Variants in PCNX2 observed in about 807,000 individuals in gnomAD.
The protein encoded by PCNX2 is pecanex-like protein 2.
Under a neutral mutation model 223.8 loss-of-function variants are expected in PCNX2, and 168 were observed. The ratio of observed to expected loss-of-function variants is 0.75; its 90% confidence interval spans 0.66 to 0.85. PCNX2 has a LOEUF of 0.85. Among genes scored for constraint, PCNX2 ranks in the 40% least tolerant of loss-of-function variants. The pLI is 0.00. For missense variants in PCNX2, 2,507 were observed against 2,675.5 expected (o/e 0.94, Z 1.39); for synonymous variants, 1,006 against 1,052.6 (o/e 0.96, Z 0.86).
At chr1:233,087,007 G>A (rs1673637528) in intron 23 of PCNX2, 1 of 984,828 alleles carries the variant, frequency 1.0e-6, no homozygotes, top group Non-Finnish European at 1.2e-6. Flanking sequence ...AAGGCAGACA[G>A]GGGACACATT....
At position 233,225,822 on chromosome 1, in the gene PCNX2, T is replaced by C. The variant is rs979651848; in HGVS notation, c.2504+1404A>G. ...CAAAAATGCCTCATTTACCAGAATATACTATCTTGGATTTTTAGTTAAGTA... is the reference window on the plus strand; with the variant it reads ...CAAAAATGCCTCATTTACCAGAATACACTATCTTGGATTTTTAGTTAAGTA... On this transcript the variant is annotated intron_variant, in intron 10 of 33. Coordinates refer to ENST00000258229, the MANE Select transcript of PCNX2 (RefSeq NM_014801.4). 2.0e-5 allele frequency among the ~76,000 whole-genome samples: 3 copies of C among 152,364 alleles called. 1 individual carries two copies. Among genetic ancestry groups the C allele is most frequent in the Admixed American group, 2.0e-4 (3 of 15,306 alleles).
intron 26 of PCNX2, among the ~76,000 whole-genome samples, chr1:233,021,894 T>C (rs180928372): frequency 1.3e-5 from 2 of 152,066 alleles, no homozygotes; most frequent in Non-Finnish European, 2.9e-5. Flanking sequence ...TTCCAGCAGT[T>C]AGGAAAAAAG....
At chr1:233,005,121 A>G (rs1670235295) in intron 28 of PCNX2, among the ~76,000 whole-genome samples, 1 of 152,194 alleles carries the variant, frequency 6.6e-6, no homozygotes, top group African/African-American at 2.4e-5. Flanking sequence ...ATCAGATAGG[A>G]GCTAAGTGCT....
chr1:233,201,518 T>C (rs141974801), intron 13 of PCNX2: 26 of 152,326 alleles, frequency 1.7e-4, no homozygotes, highest in African/African-American at 5.1e-4. Context: ...ATCCACAAAA[T>C]TCCATAAAAT....
At chr1:233,231,495 C>G (rs996691708) in intron 9 of PCNX2, 10 of 321,770 alleles carry the variant, frequency 3.1e-5, no homozygotes, top group African/African-American at 1.8e-4. Flanking sequence ...GTGATCAGCT[C>G]TATAGAACCT....
At chr1:233,130,236 G>T (rs1676392014) in intron 21 of PCNX2, among the ~76,000 whole-genome samples, 1 of 151,942 alleles carries the variant, frequency 6.6e-6, no homozygotes, top group Non-Finnish European at 1.5e-5. Flanking sequence ...TCACCATGAG[G>T]GTCTGCAGCT....
chr1:233,250,668 C>A (rs1467693121), intron 8 of PCNX2, 71 bp downstream of exon 8: 3 of 1,477,722 alleles, frequency 2.0e-6, no homozygotes, highest in South Asian at 1.4e-5. Context: ...CCAGAATCCT[C>A]ACTTTATCTT....
chr1:233,258,054 T>G lies in PCNX2; in HGVS notation c.1808A>C (p.Gln603Pro), dbSNP rs766352730. ...ASSQLNGSAE[Q>P]NEESGLLRDN... is the part of the protein sequence containing the mutation. ...TCGGAGAAGCCCACTTTCTTCATTC[T>G]GCTCAGCTGAGCCATTCAGTTGACT... Residue 603 changes from glutamine (Q) to proline (P), a missense_variant, in exon 5 of 34, where the codon CAG (glutamine) becomes CCG (proline). This residue lies in a region of PCNX2 where 1,031 missense variants were observed against 1,021.7 expected (regional missense o/e 1.01). Transcript: ENST00000258229. 1 of 1,613,560 alleles carries G rather than the reference T, an allele frequency of 6.2e-7. No individual in the cohort carries two copies. Among genetic ancestry groups the G allele is most frequent in the East Asian group, 2.2e-5 (1 of 44,850 alleles).
At chr1:233,027,197 A>G (rs1478688433) in intron 25 of PCNX2, among the ~76,000 whole-genome samples, 1 of 152,232 alleles carries the variant, frequency 6.6e-6, no homozygotes, top group African/African-American at 2.4e-5. Context: ...TTACAGGTCA[A>G]ATTACATGAA....
intron 9 of PCNX2, chr1:233,232,710 T>TA (rs1172536466): frequency 1.1e-5 from 8 of 701,676 alleles, no homozygotes; most frequent in Non-Finnish European, 1.4e-5. Flanking sequence ...GAGTTCTTGT[T>TA]AATGTTTTAA....
intron 1 of PCNX2, among the ~76,000 whole-genome samples, chr1:233,266,028 A>G (rs942498436): frequency 6.6e-6 from 1 of 152,220 alleles, no homozygotes; most frequent in Non-Finnish European, 1.5e-5. Flanking sequence ...AAGTGAGAAC[A>G]GGCCCTTGCC....
chr1:233,095,654 A>C (rs534575778), intron 22 of PCNX2, 101 bp downstream of exon 22: 1 of 1,076,372 alleles, frequency 9.3e-7, no homozygotes, highest in Admixed American at 2.0e-5. Flanking sequence ...ATGTAATCTT[A>C]TAGACTTTAA....
intron 22 of PCNX2, among the ~76,000 whole-genome samples, chr1:233,093,551 C>A (rs940118359): frequency 1.3e-5 from 2 of 152,076 alleles, no homozygotes; most frequent in Non-Finnish European, 2.9e-5. Context: ...GCATGTATAT[C>A]TAGTTTTTCA....
At position 233,249,468 on chromosome 1, in the gene PCNX2, G is replaced by A. The variant is rs150731062; in HGVS notation, c.2222+1271C>T. The stretch of plus-strand genomic sequence containing the variant: ...ATCAAACCATCATAACGTCTAGAAT[G>A]TCCTGGAGGTTAGAGTAAAGATGTG... On this transcript the variant is annotated intron_variant, in intron 8 of 33. Coordinates refer to ENST00000258229, the MANE Select transcript of PCNX2 (RefSeq NM_014801.4). Among the ~76,000 whole-genome samples the A allele has an allele frequency of 4.6e-5, 7 of 152,320 alleles. No homozygotes were observed. In the East Asian group the frequency reaches 5.8e-4, roughly 13 times the overall value.
At chr1:233,206,250 A>T (rs1681451041) in intron 13 of PCNX2, among the ~76,000 whole-genome samples, 1 of 152,156 alleles carries the variant, frequency 6.6e-6, no homozygotes, top group Non-Finnish European at 1.5e-5. Flanking sequence ...GCATTTTGAC[A>T]TAGACAATCG....
intron 32 of PCNX2, among the ~76,000 whole-genome samples, chr1:232,996,858 C>G (rs527906625): frequency 6.6e-6 from 1 of 152,206 alleles, no homozygotes; most frequent in African/African-American, 2.4e-5. Context: ...AAATGCGGGA[C>G]AAAGATAGGA....
chr1:233,227,972 T>A (rs372617117), intron 9 of PCNX2, among the ~76,000 whole-genome samples: 1 of 152,004 alleles, frequency 6.6e-6, no homozygotes, highest in East Asian at 1.9e-4. Context: ...TGGAAAAGAA[T>A]TCAATTTTGA....
At position 233,054,393 on chromosome 1, in the gene PCNX2, C is replaced by A. The variant is rs762426067; in HGVS notation, c.4226G>T (p.Arg1409Leu). ...ATCGCCAGAGCTGTAGTTGCCCCAA[C>A]GTCCAAGAACTAAGTCTCCACAGAG... ...ESLCGDLVLGRWGNYSSGDCF... is the reference protein window; with the variant it reads ...ESLCGDLVLGLWGNYSSGDCF... The change falls in exon 25 of 34, where the codon CGT becomes CTT. Residue 1409 changes from arginine (R) to leucine (L), a missense_variant. Coordinates refer to ENST00000258229, the MANE Select transcript of PCNX2 (RefSeq NM_014801.4). 6.2e-7 allele frequency: 1 copy of A among 1,613,842 alleles called. No homozygotes were observed. The highest frequency in any genetic ancestry group is 8.5e-7 in the Non-Finnish European group (1 of 1,179,798).
At chr1:233,257,181 C>G (rs1196917413) in intron 5 of PCNX2, among the ~76,000 whole-genome samples, 1 of 152,058 alleles carries the variant, frequency 6.6e-6, no homozygotes, top group Non-Finnish European at 1.5e-5. Context: ...TAGGAAATAT[C>G]ATTTAATTTT....
Sources: allele counts gnomAD v4.1 joint callset (sites outside exome capture counted in the v4.1 genomes callset), GRCh38; gene constraint gnomAD v4.1.1; regional missense constraint gnomAD v4.1.1; transcripts MANE v1.5; gene names NCBI Gene and HGNC (gene_info 2026-07-23, HGNC 2026-07-21).